RAB8B: variants seen among roughly 807,000 people sequenced by gnomAD.
RAB8B encodes the protein RAB8B, member RAS oncogene family, also known as ras-related protein Rab-8B.
In RAB8B, 11 loss-of-function variants were observed where a neutral mutation model predicts 32.0. That is an observed-to-expected ratio of 0.34 (90% CI 0.22 to 0.57). RAB8B has a LOEUF of 0.57. Ranked by LOEUF, RAB8B falls within the 20% of genes least tolerant of loss-of-function variation. RAB8B has a pLI of 0.86. For synonymous variants in RAB8B, 103 were observed against 89.6 expected, an observed-to-expected ratio of 1.15 and a Z score of -0.85; for missense variants, 190 against 258.5, an observed-to-expected ratio of 0.73 and a Z score of 1.82.
chr15:63,254,492 A>G (rs1166086151), intron 3 of RAB8B, among the ~76,000 whole-genome samples: 2 of 152,050 alleles, frequency 1.3e-5, no homozygotes, highest in Non-Finnish European at 2.9e-5. Context: ...TGCTCACTAA[A>G]TATTTATGTA....
At chr15:63,204,898 C>G (rs2037685344) in intron 1 of RAB8B, among the ~76,000 whole-genome samples, 1 of 152,124 alleles carries the variant, frequency 6.6e-6, no homozygotes, top group African/African-American at 2.4e-5. Flanking sequence ...TGGCACATGC[C>G]TATAATCCAA....
At chr15:63,223,367 C>A (rs1191412719) in intron 1 of RAB8B, among the ~76,000 whole-genome samples, 1 of 152,064 alleles carries the variant, frequency 6.6e-6, no homozygotes, top group Non-Finnish European at 1.5e-5. Context: ...TTGCCTCGGC[C>A]CCAAAGTGCT....
At chr15:63,213,759 C>T (rs79915724) in intron 1 of RAB8B, among the ~76,000 whole-genome samples, 1,741 of 152,220 alleles carry the variant, frequency 0.011, 19 homozygotes, top group Non-Finnish European at 0.018. Flanking sequence ...TTATTTCCAT[C>T]GCTTATATCT....
chr15:63,230,712 T>C (rs1186238516), intron 1 of RAB8B, among the ~76,000 whole-genome samples: 2 of 152,160 alleles, frequency 1.3e-5, no homozygotes, highest in Non-Finnish European at 1.5e-5. Flanking sequence ...ATTATTATTT[T>C]AGAGACAGGG....
intron 1 of RAB8B, among the ~76,000 whole-genome samples, chr15:63,192,500 A>G (rs944261379): frequency 4.6e-5 from 7 of 152,348 alleles, no homozygotes; most frequent in Non-Finnish European, 5.9e-5. Context: ...GAAGTCTGCC[A>G]TAGCATTGCT....
intron 1 of RAB8B, among the ~76,000 whole-genome samples, chr15:63,235,937 G>T (rs1206009304): frequency 6.6e-6 from 1 of 152,138 alleles, no homozygotes; most frequent in Non-Finnish European, 1.5e-5. Flanking sequence ...GACCCTTAAA[G>T]AGGAAGTTTC....
chr15:63,256,579 A>G lies in RAB8B; in HGVS notation c.399A>G (p.Lys133=). The G allele has an allele frequency of 6.2e-7, 1 of 1,600,722 alleles. No homozygotes were observed. The highest frequency in any genetic ancestry group is 1.7e-4 in the Middle Eastern group (1 of 6,046). The change falls in exon 5 of 8, where the codon AAA becomes AAG. Residue 133 remains lysine (K), a synonymous_variant. Coordinates refer to ENST00000321437, the MANE Select transcript of RAB8B (RefSeq NM_016530.3). Reference sequence around the variant, plus strand: ...TGAATGACAAAAGACAAGTGTCAAAAGAAAGAGGGGAGAAGGTAAATGTGA... The same window carrying G: ...TGAATGACAAAAGACAAGTGTCAAAGGAAAGAGGGGAGAAGGTAAATGTGA... ...CDMNDKRQVS[K]ERGEKLAIDY... is the part of the protein sequence containing the mutation.
chr15:63,244,901 T>C (rs2038059312), intron 2 of RAB8B, 85 bp downstream of exon 2: 1 of 1,136,844 alleles, frequency 8.8e-7, no homozygotes, highest in South Asian at 1.4e-5. Flanking sequence ...GTTAGAGGCA[T>C]CTTGTGATAG....
intron 1 of RAB8B, among the ~76,000 whole-genome samples, chr15:63,191,696 C>G (rs533269656): frequency 3.9e-5 from 6 of 152,276 alleles, no homozygotes; most frequent in Admixed American, 3.3e-4. Flanking sequence ...TTTGTCCATT[C>G]TGTATTTGAG....
intron 2 of RAB8B, among the ~76,000 whole-genome samples, chr15:63,245,319 T>C: frequency 6.6e-6 from 1 of 152,220 alleles, no homozygotes; most frequent in Non-Finnish European, 1.5e-5. Context: ...AGCTATGATA[T>C]TTTATGATTT....
In RAB8B at chr15:63,257,320, C is replaced by T. The variant is rs555131315; in HGVS notation, c.414+726C>T. Among the ~76,000 whole-genome samples the T allele has an allele frequency of 1.3e-4, 20 of 150,056 alleles. No individual in the cohort carries two copies. The South Asian group carries it at 4.0e-3, about 30-fold the overall frequency. Reference sequence around the variant, plus strand: ...TGTCTCCCAGGCTGGAGTGCAGTGGCGTAATCTCAGTTCACTGCAACCTCT... The same window carrying T: ...TGTCTCCCAGGCTGGAGTGCAGTGGTGTAATCTCAGTTCACTGCAACCTCT... On this transcript the variant is annotated intron_variant, in intron 5 of 7. Coordinates refer to ENST00000321437, the MANE Select transcript of RAB8B (RefSeq NM_016530.3).
At chr15:63,245,685 A>T (rs950120536) in intron 2 of RAB8B, among the ~76,000 whole-genome samples, 1 of 152,224 alleles carries the variant, frequency 6.6e-6, no homozygotes, top group African/African-American at 2.4e-5. Context: ...AGTACAGGTT[A>T]AATATCCCTT....
intron 2 of RAB8B, among the ~76,000 whole-genome samples, chr15:63,247,051 A>G (rs1046551393): frequency 2.0e-5 from 3 of 152,276 alleles, no homozygotes; most frequent in Admixed American, 2.0e-4. Context: ...ATAAACATTT[A>G]TTTCTCACAG....
intron 1 of RAB8B, among the ~76,000 whole-genome samples, chr15:63,236,349 A>C (rs2037980232): frequency 6.6e-6 from 1 of 152,192 alleles, no homozygotes; most frequent in African/African-American, 2.4e-5. Context: ...AATATTAATA[A>C]GGAAAGTGGG....
chr15:63,190,547 T>C (rs2037547525), intron 1 of RAB8B, among the ~76,000 whole-genome samples: 1 of 152,198 alleles, frequency 6.6e-6, no homozygotes, highest in African/African-American at 2.4e-5. Context: ...AGACTTGCTA[T>C]AGTAACTGAT....
intron 1 of RAB8B, among the ~76,000 whole-genome samples, chr15:63,234,506 C>G (rs2037962159): frequency 6.6e-6 from 1 of 152,178 alleles, no homozygotes; most frequent in South Asian, 2.1e-4. Flanking sequence ...CCTGTTAGAT[C>G]TGTTAACTAT....
intron 1 of RAB8B, among the ~76,000 whole-genome samples, chr15:63,212,560 G>A (rs964360356): frequency 1.6e-4 from 25 of 152,258 alleles, no homozygotes; most frequent in African/African-American, 5.8e-4. Context: ...CCCTAAAAAT[G>A]TAGTAAAGTA....
At chr15:63,233,254 G>A (rs1296172768) in intron 1 of RAB8B, among the ~76,000 whole-genome samples, 1 of 151,100 alleles carries the variant, frequency 6.6e-6, no homozygotes, top group African/African-American at 2.4e-5. Flanking sequence ...TTTAGAGGTG[G>A]GGTCTCATCA....
chr15:63,210,352 G>A (rs1397881252), intron 1 of RAB8B, among the ~76,000 whole-genome samples: 3 of 152,228 alleles, frequency 2.0e-5, no homozygotes, highest in African/African-American at 7.2e-5. Context: ...GCTGTGCACA[G>A]CACTGTTACT....
Sources: gnomAD v4.1 joint callset for allele counts (sites outside exome capture counted in the v4.1 genomes callset) on GRCh38, gnomAD v4.1.1 for gene constraint, MANE v1.5 for transcripts, NCBI Gene and HGNC (gene_info 2026-07-23, HGNC 2026-07-21) for gene names.